The following KSR2 variants were observed in gnomAD, a reference collection of about 807,000 sequenced individuals.
KSR2 encodes kinase suppressor of ras 2.
In KSR2, 25 loss-of-function variants were observed where a neutral mutation model predicts 107.8. The observed-to-expected ratio is 0.23, with a 90% CI of 0.17 to 0.32. The LOEUF (loss-of-function observed/expected upper bound fraction) is 0.32, where lower values mean the gene tolerates loss of function less well. Ranked by LOEUF, KSR2 falls within the 10% of genes least tolerant of loss-of-function variation. KSR2 has a pLI of 1.00. For missense variants in KSR2, 887 were observed against 1,268.9 expected (o/e 0.70, Z 4.57); for synonymous variants, 480 against 507.0 (o/e 0.95, Z 0.71).
chr12:117,865,074 A>T (rs2570557), intron 1 of KSR2, among the ~76,000 whole-genome samples: 62,118 of 151,566 alleles, frequency 0.41, 14,678 homozygotes, highest in African/African-American at 0.65. Flanking sequence ...AAAATAATAA[A>T]AATAATTAAT....
intron 2 of KSR2, among the ~76,000 whole-genome samples, chr12:117,857,394 AG>A (rs1267613905): frequency 6.6e-6 from 1 of 152,202 alleles, no homozygotes; most frequent in African/African-American, 2.4e-5. Context: ...TCATGTTTGA[AG>A]GGGGTGATTC....
intron 13 of KSR2, among the ~76,000 whole-genome samples, chr12:117,525,477 G>A (rs1269974668): frequency 6.6e-6 from 1 of 152,134 alleles, no homozygotes; most frequent in African/African-American, 2.4e-5. Flanking sequence ...GGCTCAGAGA[G>A]AAGTGTTATA....
chr12:117,794,003 CACACCAACA>C (rs1890445965), intron 3 of KSR2, among the ~76,000 whole-genome samples: 1 of 112,884 alleles, frequency 8.9e-6, no homozygotes, highest in Non-Finnish European at 1.8e-5. Flanking sequence ...AACATGCACA[CACACCAACA>C]TGCACACTCA....
intron 3 of KSR2, among the ~76,000 whole-genome samples, chr12:117,787,027 C>G (rs1197361039): frequency 1.9e-5 from 2 of 102,700 alleles, no homozygotes; most frequent in African/African-American, 5.0e-5. Context: ...AAAACTCCAT[C>G]TCAAAAAAAA....
intron 1 of KSR2, among the ~76,000 whole-genome samples, chr12:117,962,449 GTT>G (rs71099094): frequency 1.7e-4 from 24 of 143,132 alleles, no homozygotes; most frequent in East Asian, 6.1e-4. Context: ...TGTTTTTTGG[GTT>G]TTTTTTTTTT....
chr12:117,581,283 T>C (rs886686782), intron 6 of KSR2, among the ~76,000 whole-genome samples: 2 of 152,100 alleles, frequency 1.3e-5, no homozygotes, highest in Non-Finnish European at 2.9e-5. Flanking sequence ...GATCTCTCCA[T>C]ACTGTCATGG....
intron 4 of KSR2, among the ~76,000 whole-genome samples, chr12:117,711,703 G>A (rs1219064176): frequency 6.6e-6 from 1 of 152,192 alleles, no homozygotes; most frequent in Non-Finnish European, 1.5e-5. Context: ...TTCTTGCTTT[G>A]ATTTCTCATG....
intron 4 of KSR2, among the ~76,000 whole-genome samples, chr12:117,751,399 T>C (rs1015841789): frequency 1.3e-5 from 2 of 152,224 alleles, no homozygotes; most frequent in Non-Finnish European, 2.9e-5. Context: ...TTTCCTCTTC[T>C]GCATGAGAAT....
At chr12:117,810,705 T>C (rs1423738860) in intron 3 of KSR2, among the ~76,000 whole-genome samples, 1 of 152,196 alleles carries the variant, frequency 6.6e-6, no homozygotes, top group Non-Finnish European at 1.5e-5. Context: ...GCAGAAGAAA[T>C]GAAGGACAGA....
intron 1 of KSR2, among the ~76,000 whole-genome samples, chr12:117,887,083 C>G (rs1293870752): frequency 6.6e-6 from 1 of 151,820 alleles, no homozygotes; most frequent in East Asian, 1.9e-4. Context: ...ATTGCCACAC[C>G]GGGCTAAATT....
At chr12:117,499,606 C>T (rs1760417734) in intron 14 of KSR2, among the ~76,000 whole-genome samples, 1 of 152,210 alleles carries the variant, frequency 6.6e-6, no homozygotes, top group Non-Finnish European at 1.5e-5. Flanking sequence ...GGAGAGGAAA[C>T]ATTTTTGCTC....
intron 4 of KSR2, among the ~76,000 whole-genome samples, chr12:117,759,862 C>A (rs981795753): frequency 6.6e-6 from 1 of 152,232 alleles, no homozygotes; most frequent in Non-Finnish European, 1.5e-5. Flanking sequence ...AATCCCAGCA[C>A]TTTGGGAGGC....
At chr12:117,543,701 C>T (rs1037349853) in intron 9 of KSR2, among the ~76,000 whole-genome samples, 3 of 152,154 alleles carry the variant, frequency 2.0e-5, no homozygotes, top group Admixed American at 2.0e-4. Flanking sequence ...TTTCCTAGGA[C>T]TGCTGTAACA....
chr12:117,816,681 T>C (rs1891381494), intron 3 of KSR2, among the ~76,000 whole-genome samples: 1 of 152,176 alleles, frequency 6.6e-6, no homozygotes, highest in South Asian at 2.1e-4. Context: ...GGCATGGTCA[T>C]CCTTGGATCC....
rs900461426 is a variant in KSR2, at chr12:117,810,770, C to CTTTGT, written c.472+44653_472+44657dup. On this transcript the variant is annotated intron_variant, in intron 3 of 19. Transcript: ENST00000339824. ...TAACCATCCCAGACCTCCAGCTTGTCTTTGTTTTGTTTTGTTTTGTTTTGG... is the reference window on the plus strand; with the variant it reads ...TAACCATCCCAGACCTCCAGCTTGTCTTTGTTTTGTTTTGTTTTGTTTTGTTTTGG... Among the ~76,000 whole-genome samples, 22 of 152,034 alleles carry CTTTGT rather than the reference C, an allele frequency of 1.4e-4. No homozygotes were observed. In the South Asian group the frequency reaches 1.9e-3, roughly 13 times the overall value.
At chr12:117,651,215 T>G (rs147139042) in intron 5 of KSR2, among the ~76,000 whole-genome samples, 64 of 152,278 alleles carry the variant, frequency 4.2e-4, no homozygotes, top group African/African-American at 1.5e-3. Context: ...GGATAAACCC[T>G]GCCCTGCCTG....
intron 5 of KSR2, among the ~76,000 whole-genome samples, chr12:117,645,158 T>A (rs984506760): frequency 6.6e-6 from 1 of 152,172 alleles, no homozygotes; most frequent in Non-Finnish European, 1.5e-5. Context: ...CAAAGGCTAC[T>A]ATGAAGAGGA....
chr12:117,830,001 C>T lies in KSR2; in HGVS notation c.472+25427G>A, dbSNP rs544900129. On this transcript the variant is annotated intron_variant, in intron 3 of 19. Coordinates refer to ENST00000339824, the MANE Select transcript of KSR2 (RefSeq NM_173598.6). Reference sequence around the variant, plus strand: ...CTCACTTATAAGTAGAGTGCAGTGGCTCACGTCTGTAATCCCAGCACTCTG... The same window carrying T: ...CTCACTTATAAGTAGAGTGCAGTGGTTCACGTCTGTAATCCCAGCACTCTG... Among the ~76,000 whole-genome samples, 35 of 152,298 alleles carry T rather than the reference C, an allele frequency of 2.3e-4. 2 individuals are homozygous for T. The South Asian group carries it at 6.2e-3, about 27-fold the overall frequency.
chr12:117,732,510 G>C (rs553683982), intron 4 of KSR2, among the ~76,000 whole-genome samples: 2 of 152,010 alleles, frequency 1.3e-5, no homozygotes, highest in African/African-American at 4.8e-5. Context: ...GGTTGGTCTC[G>C]AACTCCTAAC....
Sources: allele counts gnomAD v4.1 joint callset (sites outside exome capture counted in the v4.1 genomes callset), GRCh38; gene constraint gnomAD v4.1.1; transcripts MANE v1.5; gene names NCBI Gene and HGNC (gene_info 2026-07-23, HGNC 2026-07-21).